The following CPT1A variants were observed in gnomAD, a reference collection of about 807,000 sequenced individuals.
CPT1A encodes the protein carnitine palmitoyltransferase 1A.
Under a neutral mutation model 100.8 loss-of-function variants are expected in CPT1A, and 64 were observed. The ratio of observed to expected loss-of-function variants is 0.63; its 90% CI spans 0.52 to 0.78. The LOEUF (loss-of-function observed/expected upper bound fraction) is 0.78, where lower values mean the gene tolerates loss of function less well. CPT1A is among the 30% of genes least tolerant of loss of function. The pLI is 0.00. For missense variants in CPT1A, 802 were observed against 1,034.1 expected (o/e 0.78, Z 3.08); for synonymous variants, 363 against 396.0 (o/e 0.92, Z 0.99).
At position 68,762,647 on chromosome 11, in the gene CPT1A, T is replaced by C; in HGVS notation, c.1855A>G (p.Met619Val). The C allele has an allele frequency of 6.2e-7, 1 of 1,613,802 alleles. No individual in the cohort carries two copies. ...TTESCDFVRA[M>V]VDPAQTVEQR... ...ATTACCGTCTGGGCCGGGTCCACCA[T>C]GGCCCGCACGAAGTCGCATGACTCA... Residue 619 changes from methionine to valine, a missense_variant, in exon 15 of 19, where the codon ATG becomes GTG. Met to Val is a conservative substitution (Grantham distance 21, BLOSUM62 1). Around this residue, in one of 4 missense-constraint regions of CPT1A, gnomAD observed 627 missense variants for 799.3 expected, o/e 0.78. Transcript: ENST00000265641.
intron 3 of CPT1A, among the ~76,000 whole-genome samples, chr11:68,809,904 G>A (rs1594358571): frequency 6.6e-6 from 1 of 152,244 alleles, no homozygotes; most frequent in African/African-American, 2.4e-5. Flanking sequence ...TGGCCTGGGT[G>A]CAGTGGCTCA....
At position 68,799,364 on chromosome 11, in the gene CPT1A, A is replaced by G; in HGVS notation, c.556-9T>C. 6.2e-7 allele frequency: 1 copy of G among 1,612,866 alleles called. No individual in the cohort carries two copies. The highest frequency in any genetic ancestry group is 8.5e-7 in the Non-Finnish European group (1 of 1,179,250). ...CTCACCGACTGTAGATACTGGGATTATTGGGGGAAAAAAAAATCACCCAAG... is the reference window on the plus strand; with the variant it reads ...CTCACCGACTGTAGATACTGGGATTGTTGGGGGAAAAAAAAATCACCCAAG... On this transcript the variant is annotated splice_polypyrimidine_tract_variant and intron_variant, in intron 5 of 18. Coordinates refer to ENST00000265641, the MANE Select transcript of CPT1A (RefSeq NM_001876.4).
chr11:68,837,345 G>T (rs1384933825), intron 1 of CPT1A, among the ~76,000 whole-genome samples: 1 of 152,216 alleles, frequency 6.6e-6, no homozygotes, highest in African/African-American at 2.4e-5. Flanking sequence ...ACTGCGCTTA[G>T]CTGACAGTTT....
At position 68,775,352 on chromosome 11, in the gene CPT1A, C is replaced by T. The variant is rs371923903; in HGVS notation, c.1539G>A (p.Pro513=). The change falls in exon 13 of 19, where the codon CCG becomes CCA. Residue 513 remains proline (P), a synonymous_variant. Transcript: ENST00000265641. ...HCKGDINPNI[P]YPTRLQWDIP... ...TGTCCCACTGCAGCCTGGTGGGGTA[C>T]GGAATGTTCGGATTGATGTCGCCTT... 147 of 1,614,030 alleles carry T rather than the reference C, an allele frequency of 9.1e-5. No individual in the cohort carries two copies. Among genetic ancestry groups the T allele is most frequent in the Non-Finnish European group, 1.2e-4 (137 of 1,180,006 alleles).
intron 7 of CPT1A, among the ~76,000 whole-genome samples, chr11:68,796,241 A>C (rs953929773): frequency 1.3e-5 from 2 of 152,104 alleles, no homozygotes; most frequent in Non-Finnish European, 2.9e-5. Flanking sequence ...TGTGGCACCA[A>C]GTTCCAGTGC....
At chr11:68,822,652 CACA>C (rs1856615525) in intron 1 of CPT1A, among the ~76,000 whole-genome samples, 1 of 152,134 alleles carries the variant, frequency 6.6e-6, no homozygotes, top group South Asian at 2.1e-4. Flanking sequence ...CACGAACACT[CACA>C]ACATCATTCA....
intron 3 of CPT1A, among the ~76,000 whole-genome samples, chr11:68,808,259 G>A (rs1429439507): frequency 6.6e-6 from 1 of 152,130 alleles, no homozygotes; most frequent in Non-Finnish European, 1.5e-5. Context: ...GAAACGGACT[G>A]TGTAAAACGG....
At chr11:68,754,877 C>A (rs1158599311), downstream of CPT1A, 1 of 780,394 alleles carries the variant, frequency 1.3e-6, no homozygotes, top group African/African-American at 1.7e-5. Context: ...GAGACAGAAA[C>A]AAATCTTGTA....
chr11:68,787,651 G>A (rs924956114), intron 9 of CPT1A, among the ~76,000 whole-genome samples: 1 of 151,724 alleles, frequency 6.6e-6, no homozygotes, highest in African/African-American at 2.4e-5. Flanking sequence ...TTTAAGAAGA[G>A]GAGTTTAGGG....
chr11:68,770,061 A>AC (rs1045948119), intron 14 of CPT1A, among the ~76,000 whole-genome samples: 1 of 150,462 alleles, frequency 6.6e-6, no homozygotes, highest in African/African-American at 2.5e-5. Flanking sequence ...CTCCGTCTCA[A>AC]AAAAAAAAAA....
intron 1 of CPT1A, among the ~76,000 whole-genome samples, chr11:68,816,360 G>A (rs1020107191): frequency 2.0e-4 from 30 of 152,156 alleles, no homozygotes; most frequent in African/African-American, 6.8e-4. Context: ...CAGACGGAGC[G>A]GGCCTTCTTC....
At position 68,841,845 on chromosome 11, in the gene CPT1A, G is replaced by A. The variant is rs1396879605; in HGVS notation, c.-84C>T. ...GCGGCGGCGGCGGTGGAGTGAACGA[G>A]CGGCGAGCGGGAGCCGGGGAAGGAG... is the stretch of plus-strand genomic sequence containing the variant. On this transcript the variant is annotated 5_prime_UTR_variant, in exon 1 of 19. Coordinates refer to ENST00000265641, the MANE Select transcript of CPT1A (RefSeq NM_001876.4). The surrounding 1 kb of genome is among the most constrained non-coding windows in gnomAD (Gnocchi z 6.3). 1.0e-6 allele frequency: 1 copy of A among 994,844 alleles called. No individual in the cohort carries two copies. Among genetic ancestry groups the A allele is most frequent in the African/African-American group, 1.7e-5 (1 of 57,228 alleles). The allele number at this position is 994,844 out of a possible 1,614,324, so 61.6% of individuals were successfully genotyped here.
intron 9 of CPT1A, 97 bp downstream of exon 9, chr11:68,793,218 A>T (rs1410553499): frequency 1.2e-6 from 1 of 819,484 alleles, no homozygotes; most frequent in Non-Finnish European, 2.0e-6. Context: ...AGGAAGGGTC[A>T]GCAAAAATCA....
intron 4 of CPT1A, among the ~76,000 whole-genome samples, chr11:68,805,188 G>A (rs534139300): frequency 2.6e-5 from 4 of 152,278 alleles, no homozygotes; most frequent in Admixed American, 6.5e-5. Context: ...GGTGGCTCAC[G>A]CCTGTTGATC....
At chr11:68,770,896 C>T (rs1011399241) in intron 14 of CPT1A, among the ~76,000 whole-genome samples, 6 of 152,198 alleles carry the variant, frequency 3.9e-5, no homozygotes, top group Non-Finnish European at 5.9e-5. Flanking sequence ...TGCCTGCTTC[C>T]GATCTCAGTC....
intron 1 of CPT1A, among the ~76,000 whole-genome samples, chr11:68,820,866 G>A (rs997519868): frequency 5.9e-5 from 9 of 152,040 alleles, no homozygotes; most frequent in African/African-American, 1.7e-4. Flanking sequence ...AAAACACCTC[G>A]TATACACATC....
At chr11:68,754,724 G>A (rs897338621), downstream of CPT1A, 14 of 755,462 alleles carry the variant, frequency 1.9e-5, no homozygotes, top group Non-Finnish European at 3.2e-5. Flanking sequence ...AAAATCAACA[G>A]GCTTTTCTTT....
Position 68,841,911 on chromosome 11 carries a change from C to T in CPT1A, c.-150G>A. On this transcript the variant is annotated 5_prime_UTR_variant, in exon 1 of 19. Coordinates refer to ENST00000265641, the MANE Select transcript of CPT1A (RefSeq NM_001876.4). The surrounding 1 kb of genome is among the most constrained non-coding windows in gnomAD (Gnocchi z 6.3). Reference sequence around the variant, plus strand: ...CGAGCGCACCCGACGCCGGCAGCAGCGGATTGGCTGAGGCGGGTCCGGCTG... The same window carrying T: ...CGAGCGCACCCGACGCCGGCAGCAGTGGATTGGCTGAGGCGGGTCCGGCTG... 1.0e-6 allele frequency: 1 copy of T among 985,938 alleles called. No homozygotes were observed. Among genetic ancestry groups the T allele is most frequent in the Non-Finnish European group, 1.2e-6 (1 of 830,308 alleles). The allele number at this position is 985,938 out of a possible 1,614,324, so 61.1% of individuals were successfully genotyped here.
At chr11:68,802,695 C>T (rs1415202570) in intron 5 of CPT1A, among the ~76,000 whole-genome samples, 2 of 151,738 alleles carry the variant, frequency 1.3e-5, no homozygotes, top group East Asian at 1.9e-4. Flanking sequence ...GATCACGCCA[C>T]TGCACTCCAG....
Sources: gnomAD v4.1 joint callset for allele counts (sites outside exome capture counted in the v4.1 genomes callset) on GRCh38, gnomAD v4.1.1 for gene constraint, gnomAD v4.1.1 regional missense constraint, Gnocchi (gnomAD v3.1) non-coding constraint, MANE v1.5 for transcripts, NCBI Gene and HGNC (gene_info 2026-07-23, HGNC 2026-07-21) for gene names.